Variants in KCNQ1 observed in about 807,000 individuals in gnomAD.
KCNQ1 encodes potassium voltage-gated channel subfamily Q member 1, also known as potassium voltage-gated channel subfamily KQT member 1.
Under a neutral mutation model 72.4 loss-of-function variants are expected in KCNQ1, and 49 were observed. That is an observed-to-expected ratio of 0.68 (90% CI 0.54 to 0.86). KCNQ1 has a LOEUF of 0.86. Among genes scored for constraint, KCNQ1 ranks in the 40% least tolerant of loss-of-function variants. The pLI is 0.00. For missense variants in KCNQ1, 790 were observed against 945.1 expected (o/e 0.84, Z 2.15); for synonymous variants, 450 against 412.6 (o/e 1.09, Z -1.10).
In KCNQ1 at chr11:2,668,442, A is replaced by G; in HGVS notation, c.1514+6361A>G. On this transcript the variant is annotated intron_variant, in intron 11 of 15. Transcript: ENST00000155840. This position sits in a 1 kb window ranked among gnomAD's most constrained non-coding sequence, Gnocchi z 4.3. ...CCACAGGCAGCATTCTGGCTGCTCC[A>G]CATCCTAACACTTGGCATTTTCCGT... The G allele has an allele frequency of 2.5e-6, 1 of 398,596 alleles. No homozygotes were observed. The highest frequency in any genetic ancestry group is 3.6e-5 in the East Asian group (1 of 28,072). The allele number at this position is 398,596 out of a possible 1,614,324, so 24.7% of individuals were successfully genotyped here.
intron 2 of KCNQ1, among the ~76,000 whole-genome samples, chr11:2,556,449 T>C (rs2133701391): frequency 6.6e-6 from 1 of 152,336 alleles, no homozygotes; most frequent in Middle Eastern, 3.4e-3. Flanking sequence ...TGCTGATCTG[T>C]ATAAATAAGA....
chr11:2,448,909 A>G (rs1455404646), intron 1 of KCNQ1, among the ~76,000 whole-genome samples: 5 of 152,192 alleles, frequency 3.3e-5, no homozygotes, highest in African/African-American at 9.6e-5. Flanking sequence ...GAACACAGGC[A>G]TCCCTTACCC....
At chr11:2,474,150 G>C (rs1846535232) in intron 1 of KCNQ1, among the ~76,000 whole-genome samples, 1 of 152,172 alleles carries the variant, frequency 6.6e-6, no homozygotes, top group Admixed American at 6.5e-5. Context: ...CCATGGGGCT[G>C]TGCTGGGGAC....
Position 2,491,324 on chromosome 11 carries a change from T to C in KCNQ1, c.387-36604T>C, listed in dbSNP as rs1846833301. Reference sequence around the variant, plus strand: ...GAGAGAGAATTTAAAATAGCTGTTATGAGAAAACTCAAATTCAAGATAACA... The same window carrying C: ...GAGAGAGAATTTAAAATAGCTGTTACGAGAAAACTCAAATTCAAGATAACA... On this transcript the variant is annotated intron_variant, in intron 1 of 15. Coordinates refer to ENST00000155840, the MANE Select transcript of KCNQ1 (RefSeq NM_000218.3). This position sits in a 1 kb window ranked among gnomAD's most constrained non-coding sequence, Gnocchi z 4.1. Among the ~76,000 whole-genome samples the C allele has an allele frequency of 6.6e-6, 1 of 152,218 alleles. No individual in the cohort carries two copies. Among genetic ancestry groups the C allele is most frequent in the African/African-American group, 2.4e-5 (1 of 41,454 alleles).
intron 11 of KCNQ1, chr11:2,696,053 G>A (rs1434580506): frequency 2.5e-6 from 1 of 398,482 alleles, no homozygotes; most frequent in Non-Finnish European, 4.4e-6. Flanking sequence ...GTATTATTAT[G>A]AAAACAGTCT....
At chr11:2,811,224 G>T (rs571119383) in intron 15 of KCNQ1, among the ~76,000 whole-genome samples, 1 of 152,206 alleles carries the variant, frequency 6.6e-6, no homozygotes, top group Admixed American at 6.5e-5. Flanking sequence ...GTGGGAATCC[G>T]TCCCCACGAC....
chr11:2,492,105 G>A lies in KCNQ1; in HGVS notation c.387-35823G>A, dbSNP rs1219952551. Among the ~76,000 whole-genome samples the A allele has an allele frequency of 6.6e-6, 1 of 152,108 alleles. No homozygotes were observed. Among genetic ancestry groups the A allele is most frequent in the Non-Finnish European group, 1.5e-5 (1 of 68,026 alleles). ...GGAATTCTTCAATCTGAAAGAAAAG[G>A]GTGTTAATAAGCAACAAGAAATGAT... On this transcript the variant is annotated intron_variant, in intron 1 of 15. Transcript: ENST00000155840. The surrounding 1 kb of genome is among the most constrained non-coding windows in gnomAD (Gnocchi z 4.1).
chr11:2,666,771 C>G (rs1850078117), intron 11 of KCNQ1: 1 of 398,762 alleles, frequency 2.5e-6, no homozygotes, highest in African/African-American at 2.1e-5. Context: ...AGTGTCTAAG[C>G]TCCTCACCAT....
At chr11:2,733,197 C>G (rs893442185) in intron 11 of KCNQ1, among the ~76,000 whole-genome samples, 8 of 150,432 alleles carry the variant, frequency 5.3e-5, no homozygotes, top group African/African-American at 2.0e-4. Flanking sequence ...CTCTGAGATC[C>G]ACTCCCACCC....
chr11:2,572,830 G>C lies in KCNQ1; in HGVS notation c.781-16G>C. 6.2e-7 allele frequency: 1 copy of C among 1,613,632 alleles called. No individual in the cohort carries two copies. On this transcript the variant is annotated splice_polypyrimidine_tract_variant and intron_variant, in intron 5 of 15. Coordinates refer to ENST00000155840, the MANE Select transcript of KCNQ1 (RefSeq NM_000218.3). Reference sequence around the variant, plus strand: ...TGCGGTTCCTGGAGCCCGACACTGTGTGTTTTCTGGCCTAGGAGCTGATAA... The same window carrying C: ...TGCGGTTCCTGGAGCCCGACACTGTCTGTTTTCTGGCCTAGGAGCTGATAA...
intron 10 of KCNQ1, among the ~76,000 whole-genome samples, chr11:2,589,860 C>CTAT (rs1848648701): frequency 6.6e-6 from 1 of 152,160 alleles, no homozygotes; most frequent in Non-Finnish European, 1.5e-5. Context: ...TCCGTCATCT[C>CTAT]GGGACCAGTT....
Position 2,652,068 on chromosome 11 carries a change from A to G in KCNQ1, c.1394-9893A>G. 2.5e-6 allele frequency: 1 copy of G among 398,574 alleles called. No homozygotes were observed. The highest frequency in any genetic ancestry group is 4.4e-6 in the Non-Finnish European group (1 of 226,086). 24.7% of individuals were successfully genotyped at this position (398,574 alleles called of 1,614,324 possible). A position where few individuals can be genotyped will look rare whatever the true frequency, so the allele number is the denominator to read the frequency against. On this transcript the variant is annotated intron_variant, in intron 10 of 15. Transcript: ENST00000155840. This position sits in a 1 kb window ranked among gnomAD's most constrained non-coding sequence, Gnocchi z 5.9. ...CTGACTGTGTCCAGGCTCCAATTTG[A>G]GAAGCTATGGGGAGCCTCTCGGCCC... is the stretch of plus-strand genomic sequence containing the variant.
At chr11:2,843,495 G>A (rs1395470021) in intron 15 of KCNQ1, among the ~76,000 whole-genome samples, 1 of 152,226 alleles carries the variant, frequency 6.6e-6, no homozygotes, top group Non-Finnish European at 1.5e-5. Context: ...AGAAGGGGCA[G>A]TGAGTTTTCT....
chr11:2,814,276 TGGTG>T (rs143204429), intron 15 of KCNQ1, among the ~76,000 whole-genome samples: 3 of 134,936 alleles, frequency 2.2e-5, no homozygotes, highest in African/African-American at 1.0e-4. Flanking sequence ...GATGGATGGA[TGGTG>T]GGATGGATGG....
At chr11:2,630,946 T>G (rs1037536287) in intron 10 of KCNQ1, 5 of 398,450 alleles carry the variant, frequency 1.3e-5, no homozygotes, top group African/African-American at 8.2e-5. Context: ...AGAAATCCAC[T>G]GATAGCCTTA....
At chr11:2,474,951 C>T (rs566574159) in intron 1 of KCNQ1, among the ~76,000 whole-genome samples, 2 of 152,192 alleles carry the variant, frequency 1.3e-5, no homozygotes, top group South Asian at 2.1e-4. Flanking sequence ...GGGAACCAGG[C>T]GTCGACTTCA....
chr11:2,513,288 G>A (rs1325536021), intron 1 of KCNQ1, among the ~76,000 whole-genome samples: 3 of 152,146 alleles, frequency 2.0e-5, no homozygotes, highest in Admixed American at 1.3e-4. Context: ...ATATGGCCAC[G>A]CAGAGACTAT....
At chr11:2,616,964 T>G (rs10832378) in intron 10 of KCNQ1, 272 of 54,054 alleles carry the variant, frequency 5.0e-3, no homozygotes, top group East Asian at 0.023. Flanking sequence ...TCTTGTTGTG[T>G]TTTTTTTTTT....
At chr11:2,706,036 G>C (rs982666364) in intron 11 of KCNQ1, among the ~76,000 whole-genome samples, 4 of 152,210 alleles carry the variant, frequency 2.6e-5, no homozygotes, top group African/African-American at 9.7e-5. Context: ...ATGTAATTTG[G>C]AGGAAAAAGA....
Sources: gnomAD v4.1 joint callset for allele counts (sites outside exome capture counted in the v4.1 genomes callset) on GRCh38, gnomAD v4.1.1 for gene constraint, Gnocchi (gnomAD v3.1) non-coding constraint, MANE v1.5 for transcripts, NCBI Gene and HGNC (gene_info 2026-07-23, HGNC 2026-07-21) for gene names.